ITGB5: variants seen among roughly 807,000 people sequenced by gnomAD.
ITGB5 encodes the protein integrin subunit beta 5, also known as integrin beta-5.
A neutral mutation model predicts 84.8 loss-of-function variants in ITGB5; 38 were observed. That is an observed-to-expected ratio of 0.45 (90% CI 0.35 to 0.59). ITGB5 has a LOEUF of 0.59. ITGB5 is among the 20% of genes least tolerant of loss of function. ITGB5 has a pLI of 0.01. For missense variants in ITGB5, 905 were observed against 1,034.5 expected, an observed-to-expected ratio of 0.87 and a Z score of 1.72; for synonymous variants, 393 against 414.4, an observed-to-expected ratio of 0.95 and a Z score of 0.63.
At chr3:124,840,677 A>T (rs28664224) in intron 5 of ITGB5, among the ~76,000 whole-genome samples, 20 of 125,868 alleles carry the variant, frequency 1.6e-4, no homozygotes, top group South Asian at 2.5e-4. Context: ...TTTTTTTTTT[A>T]AATTTGAGAC....
intron 5 of ITGB5, among the ~76,000 whole-genome samples, chr3:124,829,522 C>A (rs1182026313): frequency 1.3e-5 from 2 of 152,222 alleles, no homozygotes; most frequent in Non-Finnish European, 2.9e-5. Context: ...GTTTCGTCAC[C>A]CACAGAGATA....
In ITGB5 at chr3:124,790,786, T is replaced by C. The variant is rs556379668; in HGVS notation, c.1693+5602A>G. 4.6e-5 allele frequency among the ~76,000 whole-genome samples: 7 copies of C among 152,224 alleles called. No individual in the cohort carries two copies. The East Asian group carries it at 1.3e-3, about 29-fold the overall frequency. On this transcript the variant is annotated intron_variant, in intron 10 of 14. Coordinates refer to ENST00000296181, the MANE Select transcript of ITGB5 (RefSeq NM_002213.5). ...TTGCCTGCCACATAGTAATAAAAGA[T>C]TCTTGCTCAAACTTTGGGTAAAATA...
At chr3:124,890,353 GCCA>G (rs1428874996), upstream of ITGB5, among the ~76,000 whole-genome samples, 1 of 151,822 alleles carries the variant, frequency 6.6e-6, no homozygotes, top group Non-Finnish European at 1.5e-5. Context: ...ACAGGCGTGT[GCCA>G]CCACACCTGG....
Position 124,848,568 on chromosome 3 carries a change from CAG to C in ITGB5, c.362-12_362-11del. 1 of 1,606,978 alleles carries C rather than the reference CAG, an allele frequency of 6.2e-7. No individual in the cohort carries two copies. The highest frequency in any genetic ancestry group is 1.1e-5 in the South Asian group (1 of 90,912). The stretch of plus-strand genomic sequence containing the variant: ...AAGGTGGTCTTGTCACCTGCACCAA[CAG>C]AGAGGCCACGTGTGTTAGAGGTTGT... On this transcript the variant is annotated splice_polypyrimidine_tract_variant and intron_variant, in intron 3 of 14. Transcript: ENST00000296181.
intron 10 of ITGB5, chr3:124,781,257 C>T (rs2064001131): frequency 6.6e-6 from 1 of 152,204 alleles, no homozygotes; most frequent in African/African-American, 2.4e-5. Flanking sequence ...CGGCCTCTGT[C>T]TGGGGCTTTG....
At chr3:124,769,970 T>A (rs1440399073) in intron 11 of ITGB5, 1 of 152,240 alleles carries the variant, frequency 6.6e-6, no homozygotes, top group Non-Finnish European at 1.5e-5. Context: ...TGAAAATGCT[T>A]AACTACAACG....
intron 8 of ITGB5, 73 bp downstream of exon 8, chr3:124,817,548 C>T (rs889162601): frequency 8.0e-5 from 62 of 776,790 alleles, no homozygotes; most frequent in South Asian, 7.0e-4. Flanking sequence ...CACCTGAGCC[C>T]GCGGCAGCTG....
At chr3:124,881,909 G>A (rs1241660287) in intron 1 of ITGB5, among the ~76,000 whole-genome samples, 13 of 152,004 alleles carry the variant, frequency 8.6e-5, no homozygotes, top group African/African-American at 7.3e-5. Flanking sequence ...CAGAGGTTGC[G>A]GTGACCAGAG....
Position 124,779,145 on chromosome 3 carries a change from T to C in ITGB5, c.1694-5233A>G, listed in dbSNP as rs1366061648. Among the ~76,000 whole-genome samples the C allele has an allele frequency of 2.0e-5, 3 of 151,922 alleles. No homozygotes were observed. The East Asian group carries it at 5.9e-4, about 30-fold the overall frequency. On this transcript the variant is annotated intron_variant, in intron 10 of 14. Coordinates refer to ENST00000296181, the MANE Select transcript of ITGB5 (RefSeq NM_002213.5). ...GTGGGTGCCACTGGAGTTGACACTC[T>C]AGGAACTCGGAGACCCACGTGTAGT...
At chr3:124,893,397 C>G (rs1432517516) in intron 1 of ITGB5, among the ~76,000 whole-genome samples, 1 of 152,172 alleles carries the variant, frequency 6.6e-6, no homozygotes, top group South Asian at 2.1e-4. Flanking sequence ...AACAGAGTGA[C>G]ACTTTGTCTC....
chr3:124,877,862 T>A (rs1934396835), intron 1 of ITGB5, among the ~76,000 whole-genome samples: 1 of 149,370 alleles, frequency 6.7e-6, no homozygotes, highest in Non-Finnish European at 1.5e-5. Flanking sequence ...TTTTTTTTTT[T>A]AGACAGAGTC....
At chr3:124,824,358 T>C (rs902913512) in intron 5 of ITGB5, among the ~76,000 whole-genome samples, 3 of 152,192 alleles carry the variant, frequency 2.0e-5, no homozygotes, top group Non-Finnish European at 4.4e-5. Flanking sequence ...GTTCAACCCA[T>C]ATGTCTCATC....
intron 1 of ITGB5, among the ~76,000 whole-genome samples, chr3:124,875,942 G>GA (rs1384392322): frequency 6.6e-6 from 1 of 152,182 alleles, no homozygotes; most frequent in Admixed American, 6.5e-5. Context: ...GAAAAAAACT[G>GA]AACTCAGAAA....
At chr3:124,873,553 C>A (rs1176903459) in intron 1 of ITGB5, 22 bp from the exon 2 acceptor site, 1 of 1,546,788 alleles carries the variant, frequency 6.5e-7, no homozygotes. Flanking sequence ...GATAAAGATG[C>A]ACTAATTAGT....
rs2063883332 is a variant in ITGB5, at chr3:124,773,801, C to T, written c.1805G>A (p.Cys602Tyr). The T allele has an allele frequency of 6.2e-7, 1 of 1,613,882 alleles. No individual in the cohort carries two copies. Among genetic ancestry groups the T allele is most frequent in the Non-Finnish European group, 8.5e-7 (1 of 1,180,062 alleles). Residue 602 changes from cysteine to tyrosine, a missense_variant, in exon 11 of 15, where the codon TGC becomes TAC. Cys to Tyr is a radical substitution (Grantham distance 194). This residue lies in a region of ITGB5 where 116 missense variants were observed against 177.0 expected (regional missense o/e 0.66). Transcript: ENST00000296181. ...ACAGAGACAGTGCCCACGCTCGCTG[C>T]AGATCTGGCCATCTCTGCCCCGGCA... Reference protein sequence around the residue: ...STCRGRDGQICSERGHCLCGQ... With the variant: ...STCRGRDGQIYSERGHCLCGQ...
intron 9 of ITGB5, among the ~76,000 whole-genome samples, chr3:124,801,201 G>C (rs781549923): frequency 6.6e-6 from 1 of 152,170 alleles, no homozygotes; most frequent in African/African-American, 2.4e-5. Context: ...TGTGCTGGGC[G>C]TCTGTGCTAG....
At chr3:124,846,859 C>T (rs908109153) in intron 4 of ITGB5, among the ~76,000 whole-genome samples, 2 of 152,042 alleles carry the variant, frequency 1.3e-5, no homozygotes, top group East Asian at 1.9e-4. Context: ...GGCTTGAACC[C>T]GGGAGGCGGA....
chr3:124,868,390 C>T (rs149774438), intron 2 of ITGB5, among the ~76,000 whole-genome samples: 1 of 151,604 alleles, frequency 6.6e-6, no homozygotes, highest in Non-Finnish European at 1.5e-5. Flanking sequence ...GGCAGTGACC[C>T]ATACATCCTG....
intron 10 of ITGB5, among the ~76,000 whole-genome samples, chr3:124,795,230 G>A (rs545736086): frequency 2.7e-5 from 4 of 147,146 alleles, no homozygotes; most frequent in Non-Finnish European, 4.4e-5. Flanking sequence ...AGTGGCTCAC[G>A]TCTATAATCC....
Sources: allele counts gnomAD v4.1 joint callset (sites outside exome capture counted in the v4.1 genomes callset), GRCh38; gene constraint gnomAD v4.1.1; regional missense constraint gnomAD v4.1.1; transcripts MANE v1.5; gene names NCBI Gene and HGNC (gene_info 2026-07-23, HGNC 2026-07-21).